Variants in MEGF6 observed in about 807,000 individuals in gnomAD.
The protein encoded by MEGF6 is multiple epidermal growth factor-like domains protein 6.
A neutral mutation model predicts 207.1 loss-of-function variants in MEGF6; 184 were observed. The ratio of observed to expected loss-of-function variants is 0.89; its 90% CI spans 0.79 to 1.00. The LOEUF (loss-of-function observed/expected upper bound fraction) is 1.00. Ranked by LOEUF, MEGF6 falls within the 50% of genes least tolerant of loss-of-function variation. The probability of loss-of-function intolerance (pLI) is 0.00; values close to 1 mark genes in which losing one functional copy is unlikely to be tolerated. For missense variants in MEGF6, 2,282 were observed against 2,202.9 expected (o/e 1.04, Z -0.72); for synonymous variants, 1,038 against 910.0 (o/e 1.14, Z -2.53).
At chr1:3,592,202 TC>T (rs1643990374) in intron 3 of MEGF6, among the ~76,000 whole-genome samples, 1 of 152,108 alleles carries the variant, frequency 6.6e-6, no homozygotes, top group African/African-American at 2.4e-5. Flanking sequence ...GGCCTGCAGG[TC>T]CCGGCGTGCA....
chr1:3,531,015 CA>C, intron 4 of MEGF6: 1 of 1,426,598 alleles, frequency 7.0e-7, no homozygotes, highest in Non-Finnish European at 9.1e-7. Context: ...AAACAGGAAA[CA>C]AAGGGAGCGC....
chr1:3,543,071 G>A (rs1642580312), intron 4 of MEGF6, among the ~76,000 whole-genome samples: 1 of 152,220 alleles, frequency 6.6e-6, no homozygotes, highest in South Asian at 2.1e-4. Context: ...TGGGAGATGA[G>A]CCCACTCCGG....
At chr1:3,504,765 G>A (rs76199536) in intron 17 of MEGF6, among the ~76,000 whole-genome samples, 8 of 152,204 alleles carry the variant, frequency 5.3e-5, no homozygotes, top group Non-Finnish European at 7.4e-5. Flanking sequence ...CTGCAGCCAC[G>A]ACCCCAGGCC....
At chr1:3,499,086 C>T (rs752263674) in intron 24 of MEGF6, 52 bp downstream of exon 24, 40 of 1,583,780 alleles carry the variant, frequency 2.5e-5, no homozygotes, top group Non-Finnish European at 3.3e-5. Flanking sequence ...AAGAGGCCAG[C>T]ACCCTCGCTC....
chr1:3,492,837 G>T lies in MEGF6; in HGVS notation c.4388-70C>A, dbSNP rs1196298241. ...GCCTTCCCCGCGCCAAGGAGCCTGG[G>T]CCTAGGGGCCCGCGGCAGAGCCCAG... On this transcript the variant is annotated intron_variant, in intron 34 of 36. Transcript: ENST00000356575. 9.1e-5 allele frequency: 142 copies of T among 1,562,830 alleles called. 1 individual carries two copies. The African/African-American group carries it at 1.6e-3, about 18-fold the overall frequency.
rs767315163 is a variant in MEGF6 at position 3,579,908 on chromosome 1, CAG to C, written c.396_397del (p.Cys133PhefsTer28). On this transcript the variant is annotated frameshift_variant, in exon 4 of 37. Coordinates refer to ENST00000356575, the MANE Select transcript of MEGF6 (RefSeq NM_001409.4). LOFTEE classifies it high-confidence loss of function. The stretch of plus-strand genomic sequence containing the variant: ...TGGCACACAACGGCCACCGTGAAAA[CAG>C]AGGCTGGCGCTGCATTCAGCTGCGG... The C allele has an allele frequency of 9.0e-5, 138 of 1,533,220 alleles. No homozygotes were observed. Among genetic ancestry groups the C allele is most frequent in the Middle Eastern group, 5.2e-4 (3 of 5,730 alleles). 95.0% of individuals were successfully genotyped at this position (1,533,220 alleles called of 1,614,324 possible).
At chr1:3,610,977 C>CT (rs1183882046) in intron 1 of MEGF6, among the ~76,000 whole-genome samples, 161 bp downstream of exon 1, 1 of 152,246 alleles carries the variant, frequency 6.6e-6, no homozygotes, top group Non-Finnish European at 1.5e-5. Flanking sequence ...AGACTCGACC[C>CT]TGGAGCCCTG....
chr1:3,507,104 G>A (rs547730527), intron 14 of MEGF6, among the ~76,000 whole-genome samples: 2 of 152,306 alleles, frequency 1.3e-5, no homozygotes, highest in Admixed American at 6.5e-5. Flanking sequence ...CTGTGTGGCT[G>A]CCTGGGGTCC....
rs183459069 is a variant in MEGF6 at position 3,560,290 on chromosome 1, G to A, written c.481+19535C>T. ...GGAATGACCGCTTGGTACAGCGGAC[G>A]AGCCCACGTTGACACATTGTTGTTA... is the stretch of plus-strand genomic sequence containing the variant. On this transcript the variant is annotated intron_variant, in intron 4 of 36. Transcript: ENST00000356575. This position sits in a 1 kb window ranked among gnomAD's most constrained non-coding sequence, Gnocchi z 4.0. Among the ~76,000 whole-genome samples, 26 of 152,266 alleles carry A rather than the reference G, an allele frequency of 1.7e-4. No individual in the cohort carries two copies. Among genetic ancestry groups the A allele is most frequent in the African/African-American group, 6.0e-4 (25 of 41,554 alleles).
At position 3,514,580 on chromosome 1, in the gene MEGF6, G is replaced by C. The variant is rs1056269613; in HGVS notation, c.823C>G (p.Gln275Glu). The C allele has an allele frequency of 5.7e-6, 9 of 1,589,386 alleles. No homozygotes were observed. Among genetic ancestry groups the C allele is most frequent in the Non-Finnish European group, 6.8e-6 (8 of 1,170,568 alleles). The change falls in exon 7 of 37, where the codon CAG becomes GAG. Residue 275 changes from glutamine (Q) to glutamate (E), a missense_variant. By Grantham distance (29) the Gln-to-Glu change is conservative. Coordinates refer to ENST00000356575, the MANE Select transcript of MEGF6 (RefSeq NM_001409.4). The part of the protein sequence containing the change: ...LARCECHVGY[Q>E]LAADGKACED... ...CAGGCCTTGCCGTCCGCTGCTAGCT[G>C]ATAGCCCACGTGGCACTCACAGCGG...
intron 36 of MEGF6, 144 bp downstream of exon 36, chr1:3,490,768 T>G (rs1199151114): frequency 1.6e-6 from 2 of 1,247,172 alleles, no homozygotes; most frequent in East Asian, 5.2e-5. Context: ...CCAGCCTTGG[T>G]CTCTGAGCTC....
intron 13 of MEGF6, among the ~76,000 whole-genome samples, chr1:3,508,211 GA>G (rs1482655634): frequency 5.9e-5 from 9 of 152,186 alleles, no homozygotes; most frequent in Non-Finnish European, 1.2e-4. Context: ...TGAGCTAGAG[GA>G]ACCCCACCTG....
In MEGF6 at chr1:3,611,246, C is replaced by G. The variant is rs779182310; in HGVS notation, c.23G>C (p.Arg8Thr). The G allele has an allele frequency of 1.3e-6, 2 of 1,520,698 alleles. No homozygotes were observed. The highest frequency in any genetic ancestry group is 1.7e-6 in the Non-Finnish European group (2 of 1,145,032). 94.2% of individuals were successfully genotyped at this position (1,520,698 alleles called of 1,614,324 possible). Reference sequence around the variant, plus strand: ...CAGGACCACCGCGCGCCCCGCTGCCCTCGCCTCTTCAAGGAACGACATCGT... The same window carrying G: ...CAGGACCACCGCGCGCCCCGCTGCCGTCGCCTCTTCAAGGAACGACATCGT... MSFLEEA[R>T]AAGRAVVLAL... Residue 8 changes from arginine (R) to threonine (T), a missense_variant, in exon 1 of 37, where the codon AGG becomes ACG. By Grantham distance (71) the Arg-to-Thr change is moderately conservative. Coordinates refer to ENST00000356575, the MANE Select transcript of MEGF6 (RefSeq NM_001409.4).
chr1:3,552,402 G>A (rs1642915103), intron 4 of MEGF6, among the ~76,000 whole-genome samples: 2 of 152,250 alleles, frequency 1.3e-5, no homozygotes, highest in South Asian at 4.1e-4. Flanking sequence ...AAAGCGCTGA[G>A]GCATCCTGGT....
intron 3 of MEGF6, among the ~76,000 whole-genome samples, chr1:3,585,363 CGTCCTGTGTGTGGGTGTCTGGACGCAT>C (rs1485369320): frequency 3.1e-5 from 4 of 130,476 alleles, no homozygotes; most frequent in South Asian, 2.5e-4. Flanking sequence ...TGAGGACACA[CGTCCTGTGTGTGGGTGTCTGGACGCAT>C]GTCCTGTGTG....
At chr1:3,586,011 G>A (rs545919785) in intron 3 of MEGF6, among the ~76,000 whole-genome samples, 5 of 149,850 alleles carry the variant, frequency 3.3e-5, no homozygotes, top group African/African-American at 1.0e-4. Flanking sequence ...GTGGACACAT[G>A]TCCTGTGTGT....
At chr1:3,544,363 G>GC (rs1281087373) in intron 4 of MEGF6, among the ~76,000 whole-genome samples, 5 of 151,546 alleles carry the variant, frequency 3.3e-5, no homozygotes, top group African/African-American at 1.2e-4. Context: ...TGTCCCCTCT[G>GC]CCCCCAGCAC....
the MEGF6 span, among the ~76,000 whole-genome samples, chr1:3,621,238 TG>T: frequency 5.3e-5 from 8 of 152,192 alleles, no homozygotes; most frequent in Non-Finnish European, 1.2e-4. Flanking sequence ...TGCTCAGTAG[TG>T]GGTGCTTTTC....
intron 15 of MEGF6, 21 bp from the exon 16 acceptor site, chr1:3,505,577 A>AG: frequency 1.9e-6 from 3 of 1,544,808 alleles, no homozygotes; most frequent in South Asian, 1.2e-5. Flanking sequence ...AGAACCGTTG[A>AG]GGGGGGCTCC....
Sources: gnomAD v4.1 joint callset for allele counts (sites outside exome capture counted in the v4.1 genomes callset) on GRCh38, gnomAD v4.1.1 for gene constraint, Gnocchi (gnomAD v3.1) non-coding constraint, MANE v1.5 for transcripts, NCBI Gene and HGNC (gene_info 2026-07-23, HGNC 2026-07-21) for gene names.